GSG1L: variants seen among roughly 807,000 people sequenced by gnomAD.
GSG1L encodes germ cell-specific gene 1-like protein.
In GSG1L, 24 loss-of-function variants were observed where a neutral mutation model predicts 42.1. That is an observed-to-expected ratio of 0.57 (90% CI 0.41 to 0.80). GSG1L has a LOEUF of 0.80. Ranked by LOEUF, GSG1L falls within the 30% of genes least tolerant of loss-of-function variation. The probability of loss-of-function intolerance (pLI) is 0.00; values close to 1 mark genes in which losing one functional copy is unlikely to be tolerated. For synonymous variants in GSG1L, 215 were observed against 203.5 expected (o/e 1.06, Z -0.48); for missense variants, 445 against 472.2 (o/e 0.94, Z 0.53).
intron 2 of GSG1L, among the ~76,000 whole-genome samples, chr16:27,897,377 C>A (rs539568524): frequency 2.0e-5 from 3 of 152,142 alleles, no homozygotes; most frequent in Non-Finnish European, 4.4e-5. Context: ...CAGCTCACTG[C>A]AACCTCCAAC....
intron 2 of GSG1L, among the ~76,000 whole-genome samples, chr16:27,917,028 G>A (rs181430978): frequency 6.6e-6 from 1 of 152,264 alleles, no homozygotes; most frequent in East Asian, 1.9e-4. Flanking sequence ...CACACAGCAA[G>A]TGCAAAGGCC....
At chr16:27,844,788 C>T (rs2083424052) in intron 4 of GSG1L, among the ~76,000 whole-genome samples, 162 bp downstream of exon 4, 1 of 152,142 alleles carries the variant, frequency 6.6e-6, no homozygotes, top group Admixed American at 6.5e-5. Flanking sequence ...TTGCCAATCC[C>T]TGCCCTGGGG....
At chr16:27,889,141 G>A (rs1269447276) in intron 2 of GSG1L, among the ~76,000 whole-genome samples, 2 of 151,992 alleles carry the variant, frequency 1.3e-5, no homozygotes, top group Non-Finnish European at 2.9e-5. Context: ...GTGCCACCAT[G>A]CCCAGCTAAT....
At chr16:28,042,601 T>A (rs555545909) in intron 1 of GSG1L, among the ~76,000 whole-genome samples, 1 of 152,148 alleles carries the variant, frequency 6.6e-6, no homozygotes, top group East Asian at 1.9e-4. Context: ...CTCACTCTAT[T>A]TATGAGCAAA....
intron 1 of GSG1L, among the ~76,000 whole-genome samples, chr16:28,048,055 CAAAAAAA>C (rs57485332): frequency 1.3e-5 from 1 of 77,658 alleles, no homozygotes; most frequent in Non-Finnish European, 2.9e-5. Context: ...CTCATCTTTA[CAAAAAAA>C]AAAAAAAAAA....
chr16:28,047,305 C>T (rs1303159441), intron 1 of GSG1L, among the ~76,000 whole-genome samples: 1 of 151,440 alleles, frequency 6.6e-6, no homozygotes, highest in African/African-American at 2.4e-5. Context: ...AATGGAAGTC[C>T]AAGTATTAAA....
intron 3 of GSG1L, among the ~76,000 whole-genome samples, chr16:27,873,748 G>C (rs550488244): frequency 3.3e-5 from 5 of 152,316 alleles, no homozygotes; most frequent in African/African-American, 7.2e-5. Flanking sequence ...CTGGGCTCAG[G>C]GATAAGAATA....
intron 2 of GSG1L, among the ~76,000 whole-genome samples, chr16:27,958,134 T>C (rs550081991): frequency 2.6e-5 from 4 of 152,136 alleles, no homozygotes; most frequent in Admixed American, 2.6e-4. Flanking sequence ...CCAGGCACGG[T>C]GGCTCACTCC....
intron 1 of GSG1L, among the ~76,000 whole-genome samples, chr16:28,028,780 G>A (rs1259277191): frequency 6.6e-6 from 1 of 152,156 alleles, no homozygotes; most frequent in East Asian, 1.9e-4. Flanking sequence ...CTATCTAGAG[G>A]AGACATAATA....
At chr16:27,947,803 A>G (rs1342798230) in intron 2 of GSG1L, among the ~76,000 whole-genome samples, 1 of 152,196 alleles carries the variant, frequency 6.6e-6, no homozygotes, top group Non-Finnish European at 1.5e-5. Context: ...AAAGAGTTCT[A>G]TCTCTGGGCC....
At chr16:27,913,177 G>A (rs1417547239) in intron 2 of GSG1L, among the ~76,000 whole-genome samples, 1 of 152,130 alleles carries the variant, frequency 6.6e-6, no homozygotes, top group Non-Finnish European at 1.5e-5. Flanking sequence ...GTGTACCCAT[G>A]TACCATGTTA....
chr16:27,938,606 G>A (rs2141080436), intron 2 of GSG1L, among the ~76,000 whole-genome samples: 1 of 152,318 alleles, frequency 6.6e-6, no homozygotes, highest in South Asian at 2.1e-4. Context: ...AAGGTCATCA[G>A]GTTATTGTCA....
intron 2 of GSG1L, among the ~76,000 whole-genome samples, chr16:27,948,234 T>C (rs2084907290): frequency 6.6e-6 from 1 of 152,148 alleles, no homozygotes; most frequent in African/African-American, 2.4e-5. Context: ...TTGGGAAAGA[T>C]GATGTAAACT....
At chr16:28,031,139 G>C (rs2085957587) in intron 1 of GSG1L, among the ~76,000 whole-genome samples, 1 of 147,322 alleles carries the variant, frequency 6.8e-6, no homozygotes, top group Non-Finnish European at 1.5e-5. Flanking sequence ...GATGGGATAG[G>C]ATGGAATGGG....
intron 2 of GSG1L, among the ~76,000 whole-genome samples, chr16:27,951,662 G>A (rs1337325959): frequency 3.9e-5 from 6 of 152,194 alleles, no homozygotes; most frequent in African/African-American, 1.4e-4. Flanking sequence ...AGGTTGACCT[G>A]TTTTTAGCTC....
In GSG1L at chr16:28,063,272, G is replaced by A; in HGVS notation, c.153C>T (p.Asn51=). The A allele has an allele frequency of 7.3e-7, 1 of 1,364,158 alleles. No individual in the cohort carries two copies. The highest frequency in any genetic ancestry group is 1.5e-5 in the African/African-American group (1 of 65,820). 84.5% of individuals were successfully genotyped at this position (1,364,158 alleles called of 1,614,324 possible). The change falls in exon 1 of 7, where the codon AAC becomes AAT. Residue 51 remains asparagine (N), a synonymous_variant. Transcript: ENST00000447459. This position sits in a 1 kb window ranked among gnomAD's most constrained non-coding sequence, Gnocchi z 5.8. Reference sequence around the variant, plus strand: ...TGGCGTTGGCGCCCGAGTTGGGGCAGTTGGCGCGCCCGCCCTGGCCGCAGC... The same window carrying A: ...TGGCGTTGGCGCCCGAGTTGGGGCAATTGGCGCGCCCGCCCTGGCCGCAGC... ...KPGCGQGGRA[N]CPNSGANATA...
rs9929323 is a variant in GSG1L at position 27,822,238 on chromosome 16, C to T, written c.830+6551G>A. On this transcript the variant is annotated intron_variant, in intron 5 of 6. Coordinates refer to ENST00000447459, the MANE Select transcript of GSG1L (RefSeq NM_001109763.2). ...AAAATTGAAGCTCGGAGAGGTGAAG[C>T]GAGTTACCTGGGGACTCACAGCTAG... Among the ~76,000 whole-genome samples the T allele has an allele frequency of 5.3e-3, 808 of 152,218 alleles. 9 individuals are homozygous for T. Among genetic ancestry groups the T allele is most frequent in the African/African-American group, 0.019 (779 of 41,534 alleles).
At position 27,953,637 on chromosome 16, in the gene GSG1L, G is replaced by T. The variant is rs376654989; in HGVS notation, c.397+9519C>A. On this transcript the variant is annotated intron_variant, in intron 2 of 6. Transcript: ENST00000447459. Reference sequence around the variant, plus strand: ...CTCATACTTGTAATCCCAGCACTTTGGGAGGCCAAGGTGGGCAGATCACTT... The same window carrying T: ...CTCATACTTGTAATCCCAGCACTTTTGGAGGCCAAGGTGGGCAGATCACTT... 1.1e-4 allele frequency among the ~76,000 whole-genome samples: 16 copies of T among 152,264 alleles called. No homozygotes were observed. In the East Asian group the frequency reaches 2.5e-3, roughly 24 times the overall value.
chr16:28,030,783 T>TGGGATGGGATGGGATGGGAG, intron 1 of GSG1L, among the ~76,000 whole-genome samples: 1 of 123,286 alleles, frequency 8.1e-6, no homozygotes, highest in South Asian at 3.0e-4. Flanking sequence ...TGGGATGGGA[T>TGGGATGGGATGGGATGGGAG]GGGATGGGAT....
Sources: allele counts gnomAD v4.1 joint callset (sites outside exome capture counted in the v4.1 genomes callset), GRCh38; gene constraint gnomAD v4.1.1; non-coding constraint Gnocchi (gnomAD v3.1); transcripts MANE v1.5; gene names NCBI Gene and HGNC (gene_info 2026-07-23, HGNC 2026-07-21).